Variants in THRA observed in about 807,000 individuals in gnomAD.
The protein encoded by THRA is EAR-7.
Under a neutral mutation model 45.0 loss-of-function variants are expected in THRA, and 13 were observed. The ratio of observed to expected loss-of-function variants is 0.29; its 90% CI spans 0.19 to 0.46. THRA has a LOEUF of 0.46. Among genes scored for constraint, THRA ranks in the 20% least tolerant of loss-of-function variants. THRA has a pLI of 1.00. For missense variants in THRA, 278 were observed against 556.1 expected (o/e 0.50, Z 5.03); for synonymous variants, 195 against 214.0 (o/e 0.91, Z 0.78).
rs1487976727 is a variant in THRA at position 40,091,488 on chromosome 17, T to C, written c.*2032T>C. 6.6e-6 allele frequency: 1 copy of C among 152,354 alleles called. No individual in the cohort carries two copies. 9.4% of individuals were successfully genotyped at this position (152,354 alleles called of 1,614,324 possible). ...CTCTCCTGGAGTACTGAATCCTGTA[T>C]TACTCCAGTCCCATGGGTAGGCCCT... On this transcript the variant is annotated 3_prime_UTR_variant, in exon 9 of 9. Transcript: ENST00000450525.
Position 40,092,804 on chromosome 17 carries a change from C to T in THRA, c.*3348C>T, listed in dbSNP as rs1037102093. The T allele has an allele frequency of 4.5e-6, 3 of 673,254 alleles. No homozygotes were observed. Among genetic ancestry groups the T allele is most frequent in the African/African-American group, 3.7e-5 (2 of 54,170 alleles). The allele number at this position is 673,254 out of a possible 1,614,324, so 41.7% of individuals were successfully genotyped here. A position where few individuals can be genotyped will look rare whatever the true frequency, so the allele number is the denominator to read the frequency against. ...CCACAGAAGCCAGCTCAGCTGTGAA[C>T]TATTGGATTTGAGACAGGAACAGAA... On this transcript the variant is annotated 3_prime_UTR_variant, in exon 9 of 9. Transcript: ENST00000450525.
At chr17:40,065,781 G>A (rs1009265920) in intron 1 of THRA, among the ~76,000 whole-genome samples, 4 of 151,808 alleles carry the variant, frequency 2.6e-5, no homozygotes, top group East Asian at 1.9e-4. Context: ...AAGGGGGGGG[G>A]GGTCAGCCAC....
chr17:40,069,871 G>A (rs1226502447), intron 1 of THRA, among the ~76,000 whole-genome samples: 1 of 152,144 alleles, frequency 6.6e-6, no homozygotes, highest in Non-Finnish European at 1.5e-5. Context: ...CAGGAGGAGG[G>A]AGAGGAGAGC....
At chr17:40,082,207 C>CTTTTTT (rs770974952) in intron 4 of THRA, among the ~76,000 whole-genome samples, 10 of 78,784 alleles carry the variant, frequency 1.3e-4, no homozygotes, top group Non-Finnish European at 2.0e-4. Context: ...CTTGGATTTC[C>CTTTTTT]TTTTTTTTTT....
Position 40,062,974 on chromosome 17 carries a change from C to G in THRA, c.-416C>G, listed in dbSNP as rs1986409898. ...CGCCCCCCCCGCGCTCACTCGCACT[C>G]ACACCCGGGCGCAGGAGGCGGGCGG... On this transcript the variant is annotated 5_prime_UTR_variant, in exon 1 of 9. Transcript: ENST00000450525. 1 of 150,910 alleles carries G rather than the reference C, an allele frequency of 6.6e-6. No homozygotes were observed. The highest frequency in any genetic ancestry group is 1.9e-4 in the East Asian group (1 of 5,130). 9.3% of individuals were successfully genotyped at this position (150,910 alleles called of 1,614,324 possible). A position where few individuals can be genotyped will look rare whatever the true frequency, so the allele number is the denominator to read the frequency against.
At chr17:40,070,417 G>A (rs1986733709) in intron 1 of THRA, among the ~76,000 whole-genome samples, 1 of 152,174 alleles carries the variant, frequency 6.6e-6, no homozygotes, top group African/African-American at 2.4e-5. Flanking sequence ...GGGAGTCCCG[G>A]TCCTAGAGAG....
intron 1 of THRA, among the ~76,000 whole-genome samples, chr17:40,068,303 A>C (rs1335953263): frequency 6.6e-6 from 1 of 152,230 alleles, no homozygotes; most frequent in Non-Finnish European, 1.5e-5. Flanking sequence ...CCCTGTGTTC[A>C]ATCCATGTTG....
At chr17:40,078,841 C>G (rs1567651802) in intron 4 of THRA, among the ~76,000 whole-genome samples, 1 of 150,238 alleles carries the variant, frequency 6.7e-6, no homozygotes. Flanking sequence ...AAGCGATTCT[C>G]CTGCTTCAGC....
intron 4 of THRA, among the ~76,000 whole-genome samples, chr17:40,081,398 TTA>T (rs1427170428): frequency 6.6e-6 from 1 of 151,912 alleles, no homozygotes; most frequent in East Asian, 1.9e-4. Context: ...GTAGCTGGGA[TTA>T]TAGGTGCACG....
At chr17:40,075,856 C>T (rs955764935) in intron 2 of THRA, among the ~76,000 whole-genome samples, 4 of 152,178 alleles carry the variant, frequency 2.6e-5, no homozygotes, top group Non-Finnish European at 5.9e-5. Flanking sequence ...GGAAGTAGAC[C>T]GGAGTAATCC....
intron 5 of THRA, among the ~76,000 whole-genome samples, chr17:40,084,219 G>A (rs1387833924): frequency 1.3e-5 from 2 of 152,144 alleles, no homozygotes; most frequent in Non-Finnish European, 2.9e-5. Flanking sequence ...GCCTTAGAGA[G>A]GGAGTCGTTT....
intron 1 of THRA, among the ~76,000 whole-genome samples, chr17:40,068,090 G>A (rs771082117): frequency 1.3e-5 from 2 of 152,230 alleles, no homozygotes; most frequent in Non-Finnish European, 2.9e-5. Flanking sequence ...CTGCAAAGGT[G>A]TCTAGGGGAC....
intron 6 of THRA, among the ~76,000 whole-genome samples, chr17:40,085,885 G>A (rs557723664): frequency 1.3e-5 from 2 of 152,170 alleles, no homozygotes; most frequent in African/African-American, 4.8e-5. Flanking sequence ...CAGGTGATCT[G>A]CCTGCCTTGG....
chr17:40,092,928 A>C lies in THRA; in HGVS notation c.*3472A>C. The C allele has an allele frequency of 6.6e-7, 1 of 1,508,974 alleles. No homozygotes were observed. The highest frequency in any genetic ancestry group is 8.9e-7 in the Non-Finnish European group (1 of 1,128,088). 93.5% of individuals were successfully genotyped at this position (1,508,974 alleles called of 1,614,324 possible). ...ATGGGGGAGGGAGGCAGGTATTTAC[A>C]AGAAGGCTCAGGGGGCCAGAGGCTC... On this transcript the variant is annotated 3_prime_UTR_variant, in exon 9 of 9. Coordinates refer to ENST00000450525, the MANE Select transcript of THRA (RefSeq NM_199334.5).
intron 3 of THRA, 32 bp downstream of exon 3, chr17:40,076,970 G>A (rs373692031): frequency 7.5e-6 from 12 of 1,608,844 alleles, no homozygotes; most frequent in Middle Eastern, 1.6e-4. Context: ...CCTTCTCCAC[G>A]TCCCCAACCC....
intron 7 of THRA, chr17:40,087,122 A>C: frequency 2.3e-6 from 1 of 441,426 alleles, no homozygotes; most frequent in Non-Finnish European, 4.1e-6. Flanking sequence ...ACATACACCC[A>C]GCACACAGAC....
chr17:40,081,793 A>G (rs1465439417), intron 4 of THRA, among the ~76,000 whole-genome samples: 1 of 151,644 alleles, frequency 6.6e-6, no homozygotes, highest in African/African-American at 2.4e-5. Context: ...GTGAAACCCC[A>G]TCTCTATAAA....
At chr17:40,083,694 A>T in intron 4 of THRA, 141 bp from the exon 5 acceptor site, 1 of 1,114,732 alleles carries the variant, frequency 9.0e-7, no homozygotes. Flanking sequence ...TCTTGGGCTC[A>T]TGGTGTCAGG....
At position 40,086,869 on chromosome 17, in the gene THRA, G is replaced by T. The variant is rs374938206; in HGVS notation, c.723+16G>T. The T allele has an allele frequency of 2.5e-6, 4 of 1,613,804 alleles. No individual in the cohort carries two copies. The highest frequency in any genetic ancestry group is 3.4e-6 in the Non-Finnish European group (4 of 1,179,864). On this transcript the variant is annotated intron_variant, in intron 7 of 8. Transcript: ENST00000450525. Reference sequence around the variant, plus strand: ...GTTCTCCGAGGTGAGTGGCAGAAGTGGGGAGAGATGTGATGCTGTGCTGGA... The same window carrying T: ...GTTCTCCGAGGTGAGTGGCAGAAGTTGGGAGAGATGTGATGCTGTGCTGGA...
Sources: gnomAD v4.1 joint callset for allele counts (sites outside exome capture counted in the v4.1 genomes callset) on GRCh38, gnomAD v4.1.1 for gene constraint, MANE v1.5 for transcripts, NCBI Gene and HGNC (gene_info 2026-07-23, HGNC 2026-07-21) for gene names.